C11orf65: variants seen among roughly 807,000 people sequenced by gnomAD.
C11orf65 encodes the protein chromosome 11 open reading frame 65, also known as protein MFI.
A neutral mutation model predicts 35.3 loss-of-function variants in C11orf65; 38 were observed. The observed-to-expected ratio is 1.08, with a 90% confidence interval of 0.83 to 1.41. C11orf65 has a LOEUF of 1.41. Among genes scored for constraint, C11orf65 ranks in the 40% most tolerant of loss-of-function variants. C11orf65 has a pLI of 0.00. For missense variants in C11orf65, 370 were observed against 367.1 expected, an observed-to-expected ratio of 1.01 and a Z score of -0.06; for synonymous variants, 105 against 114.4, an observed-to-expected ratio of 0.92 and a Z score of 0.53.
intron 2 of C11orf65, among the ~76,000 whole-genome samples, chr11:108,341,998 A>C (rs2087640268): frequency 6.6e-6 from 1 of 152,292 alleles, no homozygotes; most frequent in Admixed American, 6.5e-5. Flanking sequence ...TGTCCAACCC[A>C]CAGCCTGCAG....
intron 2 of C11orf65, among the ~76,000 whole-genome samples, chr11:108,361,078 T>G (rs1296478819): frequency 1.6e-5 from 2 of 123,916 alleles, no homozygotes; most frequent in Non-Finnish European, 3.3e-5. Context: ...CTCCTTAAGC[T>G]GATAAGCAAC....
At chr11:108,327,091 G>C (rs1167664211), downstream of C11orf65, among the ~76,000 whole-genome samples, 1 of 152,108 alleles carries the variant, frequency 6.6e-6, no homozygotes, top group Non-Finnish European at 1.5e-5. Flanking sequence ...TCCTCTGAAA[G>C]TGCTGGGATT....
downstream of C11orf65, chr11:108,327,704 A>G (rs1057523514): frequency 6.2e-7 from 1 of 1,614,008 alleles, no homozygotes; most frequent in African/African-American, 1.3e-5. Flanking sequence ...GCAACTGGTT[A>G]GCAGAAACGT....
chr11:108,405,483 C>T lies in C11orf65; in HGVS notation c.506G>A (p.Arg169Lys). ...TTTTCTTTTCTTTTCCAAATCTTGC[C>T]TTCTCTTCAGTTTAGAGAAATGGAA... ...SEFHFSKLKRRQDLEKKRKLR... is the reference protein window; with the variant it reads ...SEFHFSKLKRKQDLEKKRKLR... Residue 169 changes from arginine to lysine, a missense_variant, in exon 6 of 9, where the codon AGG becomes AAG. Physicochemically the swap from Arg to Lys is conservative, Grantham distance 26 (BLOSUM62 2). Coordinates refer to ENST00000393084, the MANE Select transcript of C11orf65 (RefSeq NM_152587.5). The T allele has an allele frequency of 6.2e-7, 1 of 1,613,440 alleles. No individual in the cohort carries two copies. Among genetic ancestry groups the T allele is most frequent in the African/African-American group, 1.3e-5 (1 of 75,012 alleles).
intron 3 of C11orf65, among the ~76,000 whole-genome samples, chr11:108,428,104 C>T (rs1233814577): frequency 6.6e-6 from 1 of 151,778 alleles, no homozygotes; most frequent in Non-Finnish European, 1.5e-5. Flanking sequence ...GCTGGGATTA[C>T]AGGCGTGAGC....
At chr11:108,346,419 A>G (rs971296866) in intron 2 of C11orf65, 1 of 153,190 alleles carries the variant, frequency 6.5e-6, no homozygotes, top group Non-Finnish European at 1.5e-5. Context: ...AAGAAATTAG[A>G]ATAGGTAGAT....
chr11:108,335,788 T>C, intron 2 of C11orf65: 1 of 1,408,236 alleles, frequency 7.1e-7, no homozygotes, highest in South Asian at 1.2e-5. Flanking sequence ...CAGATGACTC[T>C]GTGTTTTTAT....
intron 6 of C11orf65, among the ~76,000 whole-genome samples, chr11:108,399,177 C>G (rs922276628): frequency 6.6e-6 from 1 of 152,178 alleles, no homozygotes; most frequent in African/African-American, 2.4e-5. Context: ...CAGGATGGAT[C>G]ATCTTGTCCA....
At chr11:108,382,031 G>A (rs2091876849), downstream of C11orf65, among the ~76,000 whole-genome samples, 2 of 152,020 alleles carry the variant, frequency 1.3e-5, no homozygotes, top group Admixed American at 1.3e-4. Context: ...AGGAATTGAG[G>A]CCTCCTGCCA....
At chr11:108,435,973 T>C (rs774941226) in intron 2 of C11orf65, among the ~76,000 whole-genome samples, 42 of 152,212 alleles carry the variant, frequency 2.8e-4, no homozygotes, top group Middle Eastern at 3.4e-3. Flanking sequence ...ATTATCCTCA[T>C]TGGCCCAAGG....
chr11:108,421,008 T>C (rs955481110), intron 3 of C11orf65, among the ~76,000 whole-genome samples: 1 of 152,222 alleles, frequency 6.6e-6, no homozygotes, highest in African/African-American at 2.4e-5. Flanking sequence ...TTTCATATTA[T>C]ACAGCCACTA....
intron 2 of C11orf65, among the ~76,000 whole-genome samples, chr11:108,369,646 A>G (rs537698203): frequency 6.6e-6 from 1 of 152,302 alleles, no homozygotes; most frequent in South Asian, 2.1e-4. Flanking sequence ...ATCCTCTGAA[A>G]AATCCCTTTG....
chr11:108,438,799 A>G (rs2093106639), intron 2 of C11orf65, among the ~76,000 whole-genome samples: 1 of 152,130 alleles, frequency 6.6e-6, no homozygotes, highest in Admixed American at 6.5e-5. Flanking sequence ...TGAGGTCAGG[A>G]GTTTGAGACC....
chr11:108,463,000 A>G (rs1008395368), intron 1 of C11orf65, among the ~76,000 whole-genome samples: 2 of 152,008 alleles, frequency 1.3e-5, no homozygotes, highest in Non-Finnish European at 2.9e-5. Flanking sequence ...GTTGGCACAT[A>G]CTGTAGTCCT....
chr11:108,373,999 G>A (rs867984840), intron 2 of C11orf65, among the ~76,000 whole-genome samples: 1 of 152,246 alleles, frequency 6.6e-6, no homozygotes, highest in African/African-American at 2.4e-5. Context: ...GCCCAGGCTC[G>A]CTTAGGTAAA....
intron 6 of C11orf65, chr11:108,326,315 T>C: frequency 1.4e-6 from 2 of 1,470,546 alleles, no homozygotes; most frequent in Non-Finnish European, 1.8e-6. Flanking sequence ...ACAATTTTAT[T>C]AGAGCCTTGA....
At chr11:108,448,759 G>A (rs1388733484) in intron 2 of C11orf65, among the ~76,000 whole-genome samples, 14 of 152,192 alleles carry the variant, frequency 9.2e-5, no homozygotes, top group Non-Finnish European at 1.6e-4. Flanking sequence ...CTCCTATTCA[G>A]CATAGTGTTG....
At chr11:108,367,841 T>C (rs1260466781) in intron 2 of C11orf65, 1 of 207,766 alleles carries the variant, frequency 4.8e-6, no homozygotes, top group African/African-American at 2.3e-5. Context: ...TGTATCTTTT[T>C]CTTACAAGCT....
intron 7 of C11orf65, among the ~76,000 whole-genome samples, chr11:108,390,870 A>G (rs1169486346): frequency 6.6e-6 from 1 of 152,194 alleles, no homozygotes; most frequent in Non-Finnish European, 1.5e-5. Context: ...CTTCTTATTT[A>G]AAAATATTTT....
Sources: allele counts gnomAD v4.1 joint callset (sites outside exome capture counted in the v4.1 genomes callset), GRCh38; gene constraint gnomAD v4.1.1; transcripts MANE v1.5; gene names NCBI Gene and HGNC (gene_info 2026-07-23, HGNC 2026-07-21).